The following ZDHHC3 variants were observed in gnomAD, a reference collection of about 807,000 sequenced individuals.
The protein encoded by ZDHHC3 is palmitoyltransferase ZDHHC3.
In ZDHHC3, 9 loss-of-function variants were observed where a neutral mutation model predicts 30.6. The ratio of observed to expected loss-of-function variants is 0.29; its 90% CI spans 0.18 to 0.51. ZDHHC3 has a LOEUF of 0.51. Ranked by LOEUF, ZDHHC3 falls within the 20% of genes least tolerant of loss-of-function variation. The probability of loss-of-function intolerance (pLI) is 0.97; values close to 1 mark genes in which losing one functional copy is unlikely to be tolerated. For missense variants in ZDHHC3, 246 were observed against 384.2 expected (o/e 0.64, Z 3.01); for synonymous variants, 136 against 140.2 (o/e 0.97, Z 0.21).
chr3:44,939,093 T>C (rs999795247), intron 3 of ZDHHC3, among the ~76,000 whole-genome samples: 1 of 152,202 alleles, frequency 6.6e-6, no homozygotes, highest in Non-Finnish European at 1.5e-5. Flanking sequence ...AGGGCCTTAC[T>C]AACACAGGCA....
At chr3:44,929,270 C>A (rs1701276731) in intron 6 of ZDHHC3, 36 bp downstream of exon 6, 5 of 1,609,686 alleles carry the variant, frequency 3.1e-6, no homozygotes, top group Non-Finnish European at 4.2e-6. Flanking sequence ...TCCCCATCCC[C>A]AGGTGTGGAA....
At chr3:44,964,856 G>A (rs1395713804) in intron 1 of ZDHHC3, among the ~76,000 whole-genome samples, 1 of 152,140 alleles carries the variant, frequency 6.6e-6, no homozygotes, top group African/African-American at 2.4e-5. Context: ...GGGTTTTATA[G>A]CATTAAAAAG....
intron 2 of ZDHHC3, among the ~76,000 whole-genome samples, chr3:44,951,933 A>G (rs1357735155): frequency 6.6e-6 from 1 of 152,008 alleles, no homozygotes; most frequent in Non-Finnish European, 1.5e-5. Context: ...GGTGTTCCTC[A>G]GGGTTCAGGG....
chr3:44,970,942 T>C (rs144039329), intron 1 of ZDHHC3, among the ~76,000 whole-genome samples: 19 of 152,220 alleles, frequency 1.2e-4, no homozygotes, highest in African/African-American at 4.3e-4. Context: ...AAATGAGACT[T>C]AGGTTAACTG....
At chr3:44,965,650 A>G (rs372206807) in intron 1 of ZDHHC3, among the ~76,000 whole-genome samples, 7 of 152,346 alleles carry the variant, frequency 4.6e-5, no homozygotes, top group African/African-American at 1.7e-4. Flanking sequence ...CCCACAGTCC[A>G]TGCTTTATGG....
chr3:44,973,405 G>A (rs1041166673), intron 1 of ZDHHC3, among the ~76,000 whole-genome samples: 1 of 152,090 alleles, frequency 6.6e-6, no homozygotes, highest in Non-Finnish European at 1.5e-5. Flanking sequence ...TGTAAAATAG[G>A]GATAAGAATA....
At chr3:44,932,102 C>A (rs1246442298) in intron 5 of ZDHHC3, among the ~76,000 whole-genome samples, 2 of 152,164 alleles carry the variant, frequency 1.3e-5, no homozygotes, top group African/African-American at 4.8e-5. Context: ...TAATTGGACT[C>A]CCTTGTCAAG....
Position 44,920,995 on chromosome 3 carries a change from G to A in ZDHHC3, c.*5694C>T, listed in dbSNP as rs1700551130. The A allele has an allele frequency of 2.0e-6, 2 of 985,306 alleles. No homozygotes were observed. Among genetic ancestry groups the A allele is most frequent in the South Asian group, 9.4e-5 (2 of 21,284 alleles). The allele number at this position is 985,306 out of a possible 1,614,324, so 61.0% of individuals were successfully genotyped here. A position where few individuals can be genotyped will look rare whatever the true frequency, so the allele number is the denominator to read the frequency against. ...TGTGTGGATTTAAAGGGATCCTGCA[G>A]GCAAAGTTCTTAAGCTTGAGGTTTG... On this transcript the variant is annotated 3_prime_UTR_variant, in exon 7 of 7. Transcript: ENST00000424952.
chr3:44,960,337 G>T (rs145537857), intron 1 of ZDHHC3, among the ~76,000 whole-genome samples: 3 of 152,328 alleles, frequency 2.0e-5, no homozygotes, highest in African/African-American at 7.2e-5. Context: ...AACTGGTGGA[G>T]GAGCTTGTGA....
chr3:44,930,485 T>A (rs1001495195), intron 5 of ZDHHC3, among the ~76,000 whole-genome samples: 1 of 152,182 alleles, frequency 6.6e-6, no homozygotes, highest in South Asian at 2.1e-4. Flanking sequence ...TTCTCGTTGC[T>A]TCCATACTTG....
intron 2 of ZDHHC3, 42 bp from the exon 3 acceptor site, chr3:44,945,334 CTATCAGCTCT>C: frequency 6.2e-7 from 1 of 1,613,272 alleles, no homozygotes; most frequent in African/African-American, 1.3e-5. Context: ...GCTGGGGGTT[CTATCAGCTCT>C]AACATTCTAC....
chr3:44,922,891 T>TAG lies in ZDHHC3; in HGVS notation c.*3797_*3798insCT. 1 of 985,228 alleles carries TAG rather than the reference T, an allele frequency of 1.0e-6. No homozygotes were observed. The highest frequency in any genetic ancestry group is 1.2e-6 in the Non-Finnish European group (1 of 829,894). 61.0% of individuals were successfully genotyped at this position (985,228 alleles called of 1,614,324 possible). On this transcript the variant is annotated 3_prime_UTR_variant, in exon 7 of 7. Coordinates refer to ENST00000424952, the MANE Select transcript of ZDHHC3 (RefSeq NM_001135179.2). ...TCTTTCTCTTTTCACATTTCTTTGATATCTAAGGGCACCTTCTAGGTGGGG... is the reference window on the plus strand; with the variant it reads ...TCTTTCTCTTTTCACATTTCTTTGATAGATCTAAGGGCACCTTCTAGGTGGGG...
chr3:44,938,480 T>C (rs774471489), intron 3 of ZDHHC3: 13 of 209,156 alleles, frequency 6.2e-5, no homozygotes, highest in Admixed American at 8.6e-5. Context: ...CCCAGCTACT[T>C]AGAAGCACAA....
Position 44,925,727 on chromosome 3 carries a change from A to G in ZDHHC3, c.*962T>C. The G allele has an allele frequency of 3.0e-6, 3 of 985,674 alleles. No individual in the cohort carries two copies. The highest frequency in any genetic ancestry group is 3.6e-6 in the Non-Finnish European group (3 of 829,946). 61.1% of individuals were successfully genotyped at this position (985,674 alleles called of 1,614,324 possible). A position where few individuals can be genotyped will look rare whatever the true frequency, so the allele number is the denominator to read the frequency against. ...CACATTTATGGGGGTTAACTATCAG[A>G]AAGTGAATCCACTTTGAGGTTTATA... On this transcript the variant is annotated 3_prime_UTR_variant, in exon 7 of 7. Transcript: ENST00000424952.
intron 1 of ZDHHC3, among the ~76,000 whole-genome samples, chr3:44,961,011 T>C (rs1465716920): frequency 1.3e-5 from 2 of 152,228 alleles, no homozygotes; most frequent in Non-Finnish European, 2.9e-5. Context: ...AATGTGCTAT[T>C]ACGTATTTGC....
chr3:44,929,135 T>C (rs1177568189), intron 6 of ZDHHC3, among the ~76,000 whole-genome samples, 171 bp downstream of exon 6: 1 of 152,174 alleles, frequency 6.6e-6, no homozygotes, highest in Non-Finnish European at 1.5e-5. Flanking sequence ...GGAGGACTTG[T>C]GTGTGGATGA....
rs1369484802 is a variant in ZDHHC3 at position 44,920,140 on chromosome 3, CA to C, written c.*6548del. 1 of 1,260,440 alleles carries C rather than the reference CA, an allele frequency of 7.9e-7. No homozygotes were observed. Among genetic ancestry groups the C allele is most frequent in the African/African-American group, 1.5e-5 (1 of 65,064 alleles). 78.1% of individuals were successfully genotyped at this position (1,260,440 alleles called of 1,614,324 possible). A position where few individuals can be genotyped will look rare whatever the true frequency, so the allele number is the denominator to read the frequency against. On this transcript the variant is annotated 3_prime_UTR_variant, in exon 7 of 7. Transcript: ENST00000424952. ...GCCAATGTTACTTTTATAATCAGAA[CA>C]AAAATAGTTGTTTCAGAAAATGGAT...
chr3:44,931,920 AG>A (rs1701526683), intron 5 of ZDHHC3, among the ~76,000 whole-genome samples: 2 of 152,198 alleles, frequency 1.3e-5, no homozygotes. Flanking sequence ...CTGCTCAAAA[AG>A]CCCTTTGGGC....
At position 44,921,138 on chromosome 3, in the gene ZDHHC3, G is replaced by A. The variant is rs1700560512; in HGVS notation, c.*5551C>T. 1 of 985,262 alleles carries A rather than the reference G, an allele frequency of 1.0e-6. No individual in the cohort carries two copies. The highest frequency in any genetic ancestry group is 4.7e-5 in the South Asian group (1 of 21,290). The allele number at this position is 985,262 out of a possible 1,614,324, so 61.0% of individuals were successfully genotyped here. On this transcript the variant is annotated 3_prime_UTR_variant, in exon 7 of 7. Transcript: ENST00000424952. ...TGCAGGGTGTGTGATGGGCCTTTTG[G>A]CCCAGGTCAGTCTGGGTGACACATG...
Sources: gnomAD v4.1 joint callset for allele counts (sites outside exome capture counted in the v4.1 genomes callset) on GRCh38, gnomAD v4.1.1 for gene constraint, MANE v1.5 for transcripts, NCBI Gene and HGNC (gene_info 2026-07-23, HGNC 2026-07-21) for gene names.